The following SLC25A21 variants were observed in gnomAD, a reference collection of about 807,000 sequenced individuals.
SLC25A21 encodes the protein mitochondrial 2-oxodicarboxylate carrier.
In SLC25A21, 47 loss-of-function variants were observed where a neutral mutation model predicts 43.8. That is an observed-to-expected ratio of 1.07 (90% CI 0.85 to 1.37). SLC25A21 has a LOEUF of 1.37. Ranked by LOEUF, SLC25A21 falls within the 40% of genes most tolerant of loss-of-function variation. The pLI, the probability that SLC25A21 is intolerant of heterozygous loss-of-function variation, is 0.00. For synonymous variants in SLC25A21, 131 were observed against 121.3 expected (o/e 1.08, Z -0.52); for missense variants, 352 against 350.2 (o/e 1.00, Z -0.04).
At chr14:36,958,067 C>G (rs952871755) in intron 1 of SLC25A21, among the ~76,000 whole-genome samples, 1 of 143,158 alleles carries the variant, frequency 7.0e-6, no homozygotes, top group Non-Finnish European at 1.6e-5. Context: ...TTTTGAGGCT[C>G]ATTTTTTTTT....
chr14:36,708,979 A>T (rs1031537647), intron 7 of SLC25A21, among the ~76,000 whole-genome samples: 6 of 150,968 alleles, frequency 4.0e-5, no homozygotes, highest in Non-Finnish European at 8.8e-5. Flanking sequence ...CTTTTTTAGC[A>T]TATGACCATA....
At chr14:36,935,334 C>A (rs1344885875) in intron 1 of SLC25A21, among the ~76,000 whole-genome samples, 4 of 152,142 alleles carry the variant, frequency 2.6e-5, no homozygotes, top group African/African-American at 9.7e-5. Context: ...AGGCATGGGA[C>A]TGACCCAGAG....
intron 1 of SLC25A21, among the ~76,000 whole-genome samples, chr14:36,915,049 T>A (rs1403826906): frequency 6.6e-6 from 1 of 152,042 alleles, no homozygotes; most frequent in Non-Finnish European, 1.5e-5. Context: ...CTAAAAATGA[T>A]CACAATGATG....
chr14:37,120,612 T>C (rs992275123), intron 1 of SLC25A21, among the ~76,000 whole-genome samples: 5 of 152,256 alleles, frequency 3.3e-5, no homozygotes, highest in Admixed American at 2.0e-4. Context: ...CTGCTTTGCC[T>C]TGGGCCCTTG....
At chr14:36,821,260 C>A (rs938217155) in intron 2 of SLC25A21, among the ~76,000 whole-genome samples, 6 of 152,072 alleles carry the variant, frequency 3.9e-5, no homozygotes, top group Non-Finnish European at 5.9e-5. Context: ...CACCTTCTTA[C>A]AGGAGATAAC....
At chr14:36,947,650 G>A (rs1404871677) in intron 1 of SLC25A21, among the ~76,000 whole-genome samples, 1 of 152,050 alleles carries the variant, frequency 6.6e-6, no homozygotes, top group Non-Finnish European at 1.5e-5. Flanking sequence ...TGATATTTTA[G>A]GTCTGATTTA....
intron 7 of SLC25A21, among the ~76,000 whole-genome samples, chr14:36,701,762 G>A (rs1397033080): frequency 1.3e-5 from 2 of 152,094 alleles, no homozygotes; most frequent in African/African-American, 2.4e-5. Context: ...ATAGAATACA[G>A]GAAAGTATTT....
At chr14:36,736,753 G>A (rs1885057958) in intron 3 of SLC25A21, among the ~76,000 whole-genome samples, 1 of 152,226 alleles carries the variant, frequency 6.6e-6, no homozygotes, top group Non-Finnish European at 1.5e-5. Flanking sequence ...TTCAACTGGA[G>A]AAGAATGATC....
At chr14:37,113,530 A>G (rs959893972) in intron 1 of SLC25A21, among the ~76,000 whole-genome samples, 7 of 152,170 alleles carry the variant, frequency 4.6e-5, no homozygotes, top group Non-Finnish European at 1.0e-4. Context: ...AGAAAATACC[A>G]TATACAATTA....
intron 3 of SLC25A21, among the ~76,000 whole-genome samples, chr14:36,803,233 G>A (rs1417934094): frequency 1.3e-5 from 2 of 152,130 alleles, no homozygotes; most frequent in Non-Finnish European, 2.9e-5. Context: ...AGTTCATGGG[G>A]TTAAGGGGTA....
At chr14:36,898,831 T>C (rs1359903987) in intron 1 of SLC25A21, among the ~76,000 whole-genome samples, 1 of 152,148 alleles carries the variant, frequency 6.6e-6, no homozygotes, top group East Asian at 1.9e-4. Flanking sequence ...CAGCCTGTCC[T>C]TGGATAGGAT....
At chr14:37,027,398 C>T (rs1225702625) in intron 1 of SLC25A21, among the ~76,000 whole-genome samples, 1 of 152,162 alleles carries the variant, frequency 6.6e-6, no homozygotes, top group African/African-American at 2.4e-5. Context: ...ACTATAGAAA[C>T]TCAAATCAGG....
At position 37,172,466 on chromosome 14, in the gene SLC25A21, C is replaced by G; in HGVS notation, c.-116G>C. On this transcript the variant is annotated 5_prime_UTR_variant, in exon 1 of 10. Coordinates refer to ENST00000331299, the MANE Select transcript of SLC25A21 (RefSeq NM_030631.4). ...GGCTGGTCCTCAAGCGCGTTGGCTC[C>G]CTGTGGAGCAGCAATCCGGCGACTG... 1 of 1,058,616 alleles carries G rather than the reference C, an allele frequency of 9.4e-7. No individual in the cohort carries two copies. Among genetic ancestry groups the G allele is most frequent in the Non-Finnish European group, 1.4e-6 (1 of 697,660 alleles). 65.6% of individuals were successfully genotyped at this position (1,058,616 alleles called of 1,614,324 possible). A position where few individuals can be genotyped will look rare whatever the true frequency, so the allele number is the denominator to read the frequency against.
At chr14:36,731,577 T>C (rs1050397331) in intron 4 of SLC25A21, among the ~76,000 whole-genome samples, 3 of 152,222 alleles carry the variant, frequency 2.0e-5, no homozygotes, top group African/African-American at 7.2e-5. Flanking sequence ...CTTAAGTATA[T>C]GAGCACTCCT....
chr14:36,875,117 G>T, intron 1 of SLC25A21, 113 bp from the exon 2 acceptor site: 1 of 685,476 alleles, frequency 1.5e-6, no homozygotes, highest in Non-Finnish European at 2.5e-6. Flanking sequence ...TTGGGACTTC[G>T]GATATGACAG....
At chr14:37,122,918 G>C (rs1963234569) in intron 1 of SLC25A21, among the ~76,000 whole-genome samples, 1 of 152,078 alleles carries the variant, frequency 6.6e-6, no homozygotes, top group Non-Finnish European at 1.5e-5. Flanking sequence ...ATAAATATAG[G>C]TCTATATAGC....
chr14:36,690,214 C>T (rs993855817), intron 7 of SLC25A21, among the ~76,000 whole-genome samples: 8 of 152,010 alleles, frequency 5.3e-5, no homozygotes, highest in African/African-American at 1.7e-4. Flanking sequence ...TAAATAGCAA[C>T]AAAAATTGCT....
At chr14:36,933,652 C>T (rs569891964) in intron 1 of SLC25A21, among the ~76,000 whole-genome samples, 3 of 152,204 alleles carry the variant, frequency 2.0e-5, no homozygotes, top group African/African-American at 7.2e-5. Context: ...AAAACCTTCA[C>T]CAGCCTCCAC....
At chr14:36,796,054 T>A (rs904619581) in intron 3 of SLC25A21, among the ~76,000 whole-genome samples, 39 of 152,136 alleles carry the variant, frequency 2.6e-4, no homozygotes, top group African/African-American at 9.4e-4. Flanking sequence ...AGATGAAATG[T>A]CTTACTTCAT....
Sources: allele counts gnomAD v4.1 joint callset (sites outside exome capture counted in the v4.1 genomes callset), GRCh38; gene constraint gnomAD v4.1.1; transcripts MANE v1.5; gene names NCBI Gene and HGNC (gene_info 2026-07-23, HGNC 2026-07-21).